ABCF1: variants seen among roughly 807,000 people sequenced by gnomAD.
ABCF1 encodes ATP-binding cassette sub-family F member 1.
A neutral mutation model predicts 126.3 loss-of-function variants in ABCF1; 73 were observed. That is an observed-to-expected ratio of 0.58 (90% CI 0.48 to 0.70). The LOEUF (loss-of-function observed/expected upper bound fraction) is 0.70, where lower values mean the gene tolerates loss of function less well. Among genes scored for constraint, ABCF1 ranks in the 30% least tolerant of loss-of-function variants. The probability of loss-of-function intolerance (pLI) is 0.00; values close to 1 mark genes in which losing one functional copy is unlikely to be tolerated. For synonymous variants in ABCF1, 345 were observed against 396.4 expected, an observed-to-expected ratio of 0.87 and a Z score of 1.54; for missense variants, 786 against 1,057.5, an observed-to-expected ratio of 0.74 and a Z score of 3.56.
In ABCF1 at chr6:30,578,064, T is replaced by C. The variant is rs200404543; in HGVS notation, c.217-12T>C. 9.9e-6 allele frequency: 16 copies of C among 1,613,792 alleles called. No individual in the cohort carries two copies. The highest frequency in any genetic ancestry group is 1.4e-5 in the Non-Finnish European group (16 of 1,179,950). On this transcript the variant is annotated splice_polypyrimidine_tract_variant and intron_variant, in intron 3 of 24. Transcript: ENST00000326195. ...GGGCTTCATTTTCTCACTGTTCTTTTGCTCTCAGCAGCAAAAAAAAAAGCG... is the reference window on the plus strand; with the variant it reads ...GGGCTTCATTTTCTCACTGTTCTTTCGCTCTCAGCAGCAAAAAAAAAAGCG...
chr6:30,578,446 T>G (rs756768944), intron 5 of ABCF1, 24 bp from the exon 6 acceptor site: 1 of 1,613,984 alleles, frequency 6.2e-7, no homozygotes, highest in African/African-American at 1.3e-5. Context: ...TCCTACTGAC[T>G]TCTGTGGCCC....
Position 30,583,068 on chromosome 6 carries a change from G to A in ABCF1, c.795G>A (p.Met265Ile). The part of the protein sequence containing the change: ...KKEKKKLKKQ[M>I]EYERQVASLK... ...TGTAGTTTTTCCTACCTTCTCAGAT[G>A]GAGTATGAGCGCCAAGTGGCTTCAT... The change falls in exon 10 of 25, where the codon ATG becomes ATA. Residue 265 changes from methionine to isoleucine, a missense_variant and splice_region_variant. By Grantham distance (10) the Met-to-Ile change is conservative. Transcript: ENST00000326195. This position sits in a 1 kb window ranked among gnomAD's most constrained non-coding sequence, Gnocchi z 4.1. The A allele has an allele frequency of 6.2e-7, 1 of 1,603,448 alleles. No homozygotes were observed. Among genetic ancestry groups the A allele is most frequent in the Non-Finnish European group, 8.5e-7 (1 of 1,171,950 alleles).
rs1357126842 is a variant in ABCF1 at position 30,584,564 on chromosome 6, C to G, written c.1389C>G (p.Ala463=). Residue 463 remains alanine, a splice_region_variant and synonymous_variant, in exon 14 of 25, where the codon GCC becomes GCG. Transcript: ENST00000326195. This position sits in a 1 kb window ranked among gnomAD's most constrained non-coding sequence, Gnocchi z 4.6. The part of the protein sequence containing the change: ...SGGWRMRVSL[A]RALFMEPTLL... ...GCTGGCGCATGCGTGTCTCCCTGGC[C>G]AGGTGGGCCATTCACCTCACTGCCC... 5.0e-6 allele frequency: 8 copies of G among 1,593,544 alleles called. No individual in the cohort carries two copies. The highest frequency in any genetic ancestry group is 6.8e-6 in the Non-Finnish European group (8 of 1,169,570).
In ABCF1 at chr6:30,582,391, C is replaced by T; in HGVS notation, c.679-3C>T. On this transcript the variant is annotated splice_polypyrimidine_tract_variant and splice_region_variant and intron_variant, in intron 8 of 24. Coordinates refer to ENST00000326195, the MANE Select transcript of ABCF1 (RefSeq NM_001025091.2). ...AGTTTTGACCATCCCCGGGTTCTCA[C>T]AGGGTTCAGAGGAAGAAGGAGAAGG... 1 of 1,587,156 alleles carries T rather than the reference C, an allele frequency of 6.3e-7. No individual in the cohort carries two copies. The highest frequency in any genetic ancestry group is 8.6e-7 in the Non-Finnish European group (1 of 1,158,982).
At chr6:30,582,584 CGAAG>C (rs371745112) in intron 9 of ABCF1, 77 bp downstream of exon 9, 1 of 1,485,692 alleles carries the variant, frequency 6.7e-7, no homozygotes, top group African/African-American at 1.4e-5. Flanking sequence ...ATTGGGGACA[CGAAG>C]GAAAGGTTTG....
chr6:30,590,437 CT>C (rs1802384864), intron 24 of ABCF1, 59 bp downstream of exon 24: 2 of 1,572,258 alleles, frequency 1.3e-6, no homozygotes. Context: ...CTGTAGTGTC[CT>C]TCACTACAGA....
chr6:30,582,223 A>AT (rs1052583759), intron 8 of ABCF1, among the ~76,000 whole-genome samples, 171 bp from the exon 9 acceptor site: 2 of 151,850 alleles, frequency 1.3e-5, no homozygotes, highest in African/African-American at 4.8e-5. Context: ...CGTCCGGCTA[A>AT]TTTTTTGTAT....
rs1802430356 is a variant in ABCF1 at position 30,591,088 on chromosome 6, G to A, written c.*387G>A. ...GGCCCAGCTGCCCCCCAGTCTTTGG[G>A]TGGTGCTGTTCTTTTCTGGTGGATT... On this transcript the variant is annotated 3_prime_UTR_variant, in exon 25 of 25. Transcript: ENST00000326195. 1 of 197,614 alleles carries A rather than the reference G, an allele frequency of 5.1e-6. No individual in the cohort carries two copies. Among genetic ancestry groups the A allele is most frequent in the East Asian group, 1.2e-4 (1 of 8,302 alleles). The allele number at this position is 197,614 out of a possible 1,614,324, so 12.2% of individuals were successfully genotyped here.
rs567954927 is a variant in ABCF1 at position 30,580,264 on chromosome 6, G to A, written c.565-142G>A. On this transcript the variant is annotated intron_variant, in intron 7 of 24. Coordinates refer to ENST00000326195, the MANE Select transcript of ABCF1 (RefSeq NM_001025091.2). ...CGGGAGGCTGAGGCAGGAGAATGGC[G>A]TGAACCCGGGAGGTGGAGCTTGCAG... 1,303 of 710,032 alleles carry A rather than the reference G, an allele frequency of 1.8e-3. 2 individuals are homozygous for A. Among genetic ancestry groups the A allele is most frequent in the Non-Finnish European group, 2.6e-3 (1,175 of 449,838 alleles). The allele number at this position is 710,032 out of a possible 1,614,324, so 44.0% of individuals were successfully genotyped here. A position where few individuals can be genotyped will look rare whatever the true frequency, so the allele number is the denominator to read the frequency against.
Position 30,571,607 on chromosome 6 carries a change from G to A in ABCF1, c.73+47G>A, listed in dbSNP as rs906853752. On this transcript the variant is annotated intron_variant, in intron 1 of 24. Coordinates refer to ENST00000326195, the MANE Select transcript of ABCF1 (RefSeq NM_001025091.2). ...GAAACGAGCAGAGGGGGAAGAGAGA[G>A]GAGACTGCGCGTGTTTTAAGAGAGG... The A allele has an allele frequency of 2.5e-6, 4 of 1,576,816 alleles. No individual in the cohort carries two copies. In the African/African-American group the frequency reaches 5.4e-5, roughly 21 times the overall value.
At position 30,585,645 on chromosome 6, in the gene ABCF1, C is replaced by T. The variant is rs928838252; in HGVS notation, c.1563C>T (p.Leu521=). 7 of 1,612,930 alleles carry T rather than the reference C, an allele frequency of 4.3e-6. No individual in the cohort carries two copies. Among genetic ancestry groups the T allele is most frequent in the Non-Finnish European group, 5.1e-6 (6 of 1,180,032 alleles). ...LDDVCTDIIH[L]DAQRLHYYRG... is the part of the protein sequence containing the mutation. ...ATGTCTGCACTGATATCATCCACCTCGATGCCCAGCGGCTCCACTACTATA... is the reference window on the plus strand; with the variant it reads ...ATGTCTGCACTGATATCATCCACCTTGATGCCCAGCGGCTCCACTACTATA... Residue 521 remains leucine (L), a synonymous_variant, in exon 16 of 25, where the codon CTC becomes CTT. Transcript: ENST00000326195.
chr6:30,578,306 T>C lies in ABCF1; in HGVS notation c.344-42T>C, dbSNP rs143402825. The stretch of plus-strand genomic sequence containing the variant: ...TGGATTCAATTGGGGGGCCAGACAT[T>C]GTAATTCTTTCCTATCTCATGTTCT... On this transcript the variant is annotated intron_variant, in intron 4 of 24. Transcript: ENST00000326195. The C allele has an allele frequency of 9.0e-3, 14,599 of 1,613,860 alleles. 126 individuals carry two copies. The highest frequency in any genetic ancestry group is 0.032 in the African/African-American group (2,369 of 74,940).
intron 6 of ABCF1, among the ~76,000 whole-genome samples, 162 bp downstream of exon 6, chr6:30,578,739 C>T (rs535870619): frequency 7.9e-5 from 12 of 152,264 alleles, no homozygotes; most frequent in African/African-American, 2.9e-4. Flanking sequence ...CAGTGGGTCA[C>T]GCCTGTAATC....
At chr6:30,587,369 G>C (rs9262118) in intron 20 of ABCF1, among the ~76,000 whole-genome samples, 96,996 of 151,878 alleles carry the variant, frequency 0.64, 31,067 homozygotes, top group South Asian at 0.79. Context: ...CCTGAGCCCA[G>C]TGTGGTGGCT....
At position 30,578,139 on chromosome 6, in the gene ABCF1, G is replaced by A. The variant is rs147307156; in HGVS notation, c.280G>A (p.Glu94Lys). Residue 94 changes from glutamate to lysine, a missense_variant, in exon 4 of 25, where the codon GAG (glutamate) becomes AAG (lysine). Transcript: ENST00000326195. ...GAAGGATGTGGATGATGATGGAGAA[G>A]AGAAAGAGCTCATGGAGCGTCTTAA... is the stretch of plus-strand genomic sequence containing the variant. ...RKKDVDDDGE[E>K]KELMERLKKL... The A allele has an allele frequency of 5.6e-6, 9 of 1,614,002 alleles. No individual in the cohort carries two copies. The highest frequency in any genetic ancestry group is 7.6e-6 in the Non-Finnish European group (9 of 1,180,026).
chr6:30,577,261 G>C lies in ABCF1; in HGVS notation c.74-148G>C. The stretch of plus-strand genomic sequence containing the variant: ...GATGGGAATGATTATTTCTGCAGGA[G>C]TTGTGAGACAGTACAAATATTTAAG... On this transcript the variant is annotated intron_variant, in intron 1 of 24. Transcript: ENST00000326195. The C allele has an allele frequency of 4.3e-6, 3 of 696,190 alleles. No homozygotes were observed. In the Admixed American group the frequency reaches 9.2e-5, roughly 21 times the overall value. The allele number at this position is 696,190 out of a possible 1,614,324, so 43.1% of individuals were successfully genotyped here.
intron 8 of ABCF1, among the ~76,000 whole-genome samples, chr6:30,581,077 A>G (rs1801793160): frequency 6.6e-6 from 1 of 151,992 alleles, no homozygotes; most frequent in African/African-American, 2.4e-5. Flanking sequence ...CAACTCTTTG[A>G]AAATACAAAA....
rs761700848 is a variant in ABCF1 at position 30,590,590 on chromosome 6, G to A, written c.2427G>A (p.Leu809=). The change falls in exon 25 of 25, where the codon CTG becomes CTA. Residue 809 remains leucine (L), a synonymous_variant. Coordinates refer to ENST00000326195, the MANE Select transcript of ABCF1 (RefSeq NM_001025091.2). The stretch of plus-strand genomic sequence containing the variant: ...TCATCACAGAAACCAATTGCCAGCT[G>A]TGGGTGGTGGAGGAGCAGAGTGTTA... The part of the protein sequence containing the change: ...ARLITETNCQ[L]WVVEEQSVSQ... 4 of 1,613,058 alleles carry A rather than the reference G, an allele frequency of 2.5e-6. No individual in the cohort carries two copies. Among genetic ancestry groups the A allele is most frequent in the African/African-American group, 1.3e-5 (1 of 75,044 alleles).
intron 20 of ABCF1, among the ~76,000 whole-genome samples, chr6:30,588,658 A>G (rs1802281588): frequency 1.3e-5 from 2 of 151,832 alleles, no homozygotes; most frequent in South Asian, 4.2e-4. Flanking sequence ...CACGCCCGGC[A>G]AACTCTACCA....
Sources: allele counts gnomAD v4.1 joint callset (sites outside exome capture counted in the v4.1 genomes callset), GRCh38; gene constraint gnomAD v4.1.1; non-coding constraint Gnocchi (gnomAD v3.1); transcripts MANE v1.5; gene names NCBI Gene and HGNC (gene_info 2026-07-23, HGNC 2026-07-21).